AHCYL2: variants seen among roughly 807,000 people sequenced by gnomAD.
The protein encoded by AHCYL2 is adenosylhomocysteinase like 2, also known as S-adenosylhomocysteine hydrolase-like protein 2.
A neutral mutation model predicts 81.4 loss-of-function variants in AHCYL2; 28 were observed. The observed-to-expected ratio is 0.34, with a 90% CI of 0.25 to 0.47. The LOEUF is 0.47. AHCYL2 is among the 20% of genes least tolerant of loss of function. The probability of loss-of-function intolerance (pLI) is 1.00; values close to 1 mark genes in which losing one functional copy is unlikely to be tolerated. For missense variants in AHCYL2, 551 were observed against 785.1 expected, an observed-to-expected ratio of 0.70 and a Z score of 3.56; for synonymous variants, 272 against 290.2, an observed-to-expected ratio of 0.94 and a Z score of 0.64.
chr7:129,400,291 A>G lies in AHCYL2; in HGVS notation c.825A>G (p.Gly275=), dbSNP rs753461146. ...TCCCTTTGTTCCTTTTTTTCCCAGGATTTCCTGTTTTTGCCTGGAAGGGAG... is the reference window on the plus strand; with the variant it reads ...TCCCTTTGTTCCTTTTTTTCCCAGGGTTTCCTGTTTTTGCCTGGAAGGGAG... The part of the protein sequence containing the change: ...NEVAAALAES[G]FPVFAWKGES... Residue 275 remains glycine, a splice_region_variant and synonymous_variant, in exon 6 of 17, where the codon GGA becomes GGG. Transcript: ENST00000325006. 3 of 1,610,980 alleles carry G rather than the reference A, an allele frequency of 1.9e-6. No homozygotes were observed. In the Admixed American group the frequency reaches 5.0e-5, roughly 27 times the overall value.
chr7:129,276,090 A>G (rs1253125990), intron 1 of AHCYL2, among the ~76,000 whole-genome samples: 1 of 152,150 alleles, frequency 6.6e-6, no homozygotes, highest in Non-Finnish European at 1.5e-5. Context: ...AAATAATTTT[A>G]TATATTTGGA....
At chr7:129,285,845 G>A (rs968949449) in intron 1 of AHCYL2, among the ~76,000 whole-genome samples, 1 of 151,782 alleles carries the variant, frequency 6.6e-6, no homozygotes, top group East Asian at 1.9e-4. Flanking sequence ...TGAGTAGCTG[G>A]GACTATAGGT....
At chr7:129,243,317 C>A (rs550610774) in intron 1 of AHCYL2, among the ~76,000 whole-genome samples, 2 of 152,086 alleles carry the variant, frequency 1.3e-5, no homozygotes, top group South Asian at 2.1e-4. Context: ...GCCACCATGC[C>A]CAGCCGACTA....
rs1028136783 is a variant in AHCYL2 at position 129,368,384 on chromosome 7, A to T, written c.364-11254A>T. The T allele has an allele frequency of 1.3e-6, 2 of 1,556,962 alleles. No homozygotes were observed. Among genetic ancestry groups the T allele is most frequent in the African/African-American group, 2.7e-5 (2 of 73,124 alleles). Reference sequence around the variant, plus strand: ...ATGCAGCTTCTGCTAGCCACTGTGAACTTCTGAATCTCACTAGGGTTGGGT... The same window carrying T: ...ATGCAGCTTCTGCTAGCCACTGTGATCTTCTGAATCTCACTAGGGTTGGGT... On this transcript the variant is annotated intron_variant, in intron 1 of 16. Coordinates refer to ENST00000325006, the MANE Select transcript of AHCYL2 (RefSeq NM_015328.4). The surrounding 1 kb of genome is among the most constrained non-coding windows in gnomAD (Gnocchi z 4.4).
chr7:129,404,051 G>C (rs1316230145), intron 7 of AHCYL2, among the ~76,000 whole-genome samples: 1 of 151,522 alleles, frequency 6.6e-6, no homozygotes, highest in Non-Finnish European at 1.5e-5. Flanking sequence ...GAGAACAAGT[G>C]AAGTCCTCAT....
chr7:129,284,018 C>T (rs1419966762), intron 1 of AHCYL2, among the ~76,000 whole-genome samples: 1 of 152,096 alleles, frequency 6.6e-6, no homozygotes, highest in Admixed American at 6.6e-5. Context: ...AAGCACTGTC[C>T]TTTGCCTGGT....
chr7:129,246,367 G>A (rs1329172061), intron 1 of AHCYL2, among the ~76,000 whole-genome samples: 1 of 152,074 alleles, frequency 6.6e-6, no homozygotes, highest in Non-Finnish European at 1.5e-5. Context: ...CAAGTATGTA[G>A]AATTTTAAAA....
chr7:129,250,602 C>T lies in AHCYL2; in HGVS notation c.363+25163C>T, dbSNP rs530987175. Among the ~76,000 whole-genome samples the T allele has an allele frequency of 5.3e-5, 8 of 152,250 alleles. No individual in the cohort carries two copies. In the South Asian group the frequency reaches 1.7e-3, roughly 32 times the overall value. ...AAGTGGCAACAGTGGACATGTTTGCCTTGTTTCCGATTTTAGAGGAAAAGT... is the reference window on the plus strand; with the variant it reads ...AAGTGGCAACAGTGGACATGTTTGCTTTGTTTCCGATTTTAGAGGAAAAGT... On this transcript the variant is annotated intron_variant, in intron 1 of 16. Coordinates refer to ENST00000325006, the MANE Select transcript of AHCYL2 (RefSeq NM_015328.4).
At chr7:129,319,360 C>A (rs1377608497) in intron 1 of AHCYL2, among the ~76,000 whole-genome samples, 2 of 151,656 alleles carry the variant, frequency 1.3e-5, no homozygotes, top group Non-Finnish European at 2.9e-5. Flanking sequence ...GAGGCTCAGG[C>A]AATCCCTTGA....
At chr7:129,281,538 C>A (rs1796447194) in intron 1 of AHCYL2, among the ~76,000 whole-genome samples, 1 of 146,674 alleles carries the variant, frequency 6.8e-6, no homozygotes, top group Non-Finnish European at 1.5e-5. Flanking sequence ...CCTCTGTCAC[C>A]CAGGCTAGAG....
chr7:129,311,960 C>T (rs534607914), intron 1 of AHCYL2, among the ~76,000 whole-genome samples: 8 of 152,242 alleles, frequency 5.3e-5, no homozygotes, highest in African/African-American at 1.7e-4. Flanking sequence ...TTATATTTCT[C>T]CTTGTTCATT....
chr7:129,367,327 G>C (rs1247375127), intron 1 of AHCYL2, among the ~76,000 whole-genome samples: 1 of 152,180 alleles, frequency 6.6e-6, no homozygotes, highest in African/African-American at 2.4e-5. Context: ...GGCATATCTT[G>C]TTAGGCTTCC....
chr7:129,350,193 T>C (rs28475451), intron 1 of AHCYL2, among the ~76,000 whole-genome samples: 7,380 of 152,166 alleles, frequency 0.048, 586 homozygotes, highest in African/African-American at 0.17. Flanking sequence ...GTACCTGGAT[T>C]CAGGTTTTAG....
intron 1 of AHCYL2, among the ~76,000 whole-genome samples, chr7:129,297,085 T>A (rs1050831492): frequency 2.0e-5 from 3 of 152,238 alleles, no homozygotes; most frequent in African/African-American, 7.2e-5. Context: ...ACATGCACAC[T>A]GATCTATTGT....
At chr7:129,411,770 A>C (rs988474737) in intron 11 of AHCYL2, among the ~76,000 whole-genome samples, 36 of 152,122 alleles carry the variant, frequency 2.4e-4, no homozygotes, top group African/African-American at 8.2e-4. Context: ...AAAAAAAAAA[A>C]AAAAAGGAAT....
chr7:129,358,742 C>G (rs1461959643), intron 1 of AHCYL2, among the ~76,000 whole-genome samples: 1 of 152,098 alleles, frequency 6.6e-6, no homozygotes, highest in African/African-American at 2.4e-5. Flanking sequence ...AAAGTGGTAA[C>G]TCTTATGTAC....
intron 1 of AHCYL2, among the ~76,000 whole-genome samples, chr7:129,306,204 T>G (rs1040345077): frequency 2.6e-5 from 4 of 152,238 alleles, no homozygotes; most frequent in African/African-American, 9.6e-5. Context: ...TACCTTCTCT[T>G]TAAGGCCAAT....
chr7:129,319,212 T>G (rs1797929479), intron 1 of AHCYL2, among the ~76,000 whole-genome samples: 1 of 152,040 alleles, frequency 6.6e-6, no homozygotes, highest in African/African-American at 2.4e-5. Context: ...TCCCAGCACT[T>G]TGGGAGGCCA....
intron 1 of AHCYL2, among the ~76,000 whole-genome samples, chr7:129,266,477 C>A (rs916555823): frequency 6.6e-6 from 1 of 150,904 alleles, no homozygotes; most frequent in African/African-American, 2.4e-5. Flanking sequence ...TGCAGTGAGC[C>A]GAGATCTCAC....
Sources: gnomAD v4.1 joint callset for allele counts (sites outside exome capture counted in the v4.1 genomes callset) on GRCh38, gnomAD v4.1.1 for gene constraint, Gnocchi (gnomAD v3.1) non-coding constraint, MANE v1.5 for transcripts, NCBI Gene and HGNC (gene_info 2026-07-23, HGNC 2026-07-21) for gene names.